Variants in DYNC2H1 observed in about 807,000 individuals in gnomAD.
DYNC2H1 encodes the protein cytoplasmic dynein 2 heavy chain 1.
In DYNC2H1, 410 loss-of-function variants were observed where a neutral mutation model predicts 570.0. The observed-to-expected ratio is 0.72, with a 90% CI of 0.66 to 0.78. The LOEUF (loss-of-function observed/expected upper bound fraction) is 0.78. Among genes scored for constraint, DYNC2H1 ranks in the 30% least tolerant of loss-of-function variants. The pLI is 0.00. For missense variants in DYNC2H1, 4,865 were observed against 5,046.4 expected (o/e 0.96, Z 1.09); for synonymous variants, 1,688 against 1,677.6 (o/e 1.01, Z -0.15).
intron 70 of DYNC2H1, among the ~76,000 whole-genome samples, chr11:103,272,572 T>TTAAA (rs538001139): frequency 5.1e-4 from 77 of 152,182 alleles, no homozygotes; most frequent in South Asian, 1.0e-3. Context: ...TAAAGTATAA[T>TTAAA]TAAATAAATA....
intron 1 of DYNC2H1, among the ~76,000 whole-genome samples, chr11:103,111,365 T>C (rs1858104311): frequency 6.6e-6 from 1 of 152,238 alleles, no homozygotes. Context: ...GTTCATTTAA[T>C]AGCCATAACG....
chr11:103,399,234 C>T (rs965838077), intron 83 of DYNC2H1, among the ~76,000 whole-genome samples: 6 of 149,468 alleles, frequency 4.0e-5, no homozygotes, highest in East Asian at 4.0e-4. Context: ...CCTCCATCTC[C>T]GGGGTTCAAG....
At chr11:103,294,348 T>G (rs1272659934) in intron 75 of DYNC2H1, among the ~76,000 whole-genome samples, 1 of 152,162 alleles carries the variant, frequency 6.6e-6, no homozygotes, top group African/African-American at 2.4e-5. Flanking sequence ...TTACCTATTC[T>G]TCTTGAGAGG....
rs112634077 is a variant in DYNC2H1, at chr11:103,177,981, C to G, written c.6139+161C>G. ...TATTTTACTTTGGAGGGGGCCAAGA[C>G]ATGCTATCATTTTCAGTTAAACTCT... On this transcript the variant is annotated intron_variant, in intron 38 of 88. Transcript: ENST00000375735. The surrounding 1 kb of genome is among the most constrained non-coding windows in gnomAD (Gnocchi z 4.4). Among the ~76,000 whole-genome samples the G allele has an allele frequency of 1.8e-4, 28 of 152,180 alleles. No homozygotes were observed. The highest frequency in any genetic ancestry group is 6.7e-4 in the African/African-American group (28 of 41,534).
At chr11:103,308,753 A>C (rs1867422146) in intron 78 of DYNC2H1, among the ~76,000 whole-genome samples, 1 of 152,126 alleles carries the variant, frequency 6.6e-6, no homozygotes, top group Non-Finnish European at 1.5e-5. Flanking sequence ...AGTAACGTTG[A>C]GCATCTTTCA....
Position 103,256,661 on chromosome 11 carries a change from T to C in DYNC2H1, c.10461+421T>C, listed in dbSNP as rs960759420. ...CAGTTATTGGCTCTTTTCATGCTTA[T>C]AATGAACAGTGCTGGGTACTTTATT... On this transcript the variant is annotated intron_variant, in intron 68 of 88. Coordinates refer to ENST00000375735, the MANE Select transcript of DYNC2H1 (RefSeq NM_001377.3). The surrounding 1 kb of genome is among the most constrained non-coding windows in gnomAD (Gnocchi z 4.0). Among the ~76,000 whole-genome samples, 1 of 152,186 alleles carries C rather than the reference T, an allele frequency of 6.6e-6. No individual in the cohort carries two copies.
chr11:103,311,781 A>C (rs1454550768), intron 78 of DYNC2H1, 97 bp from the exon 79 acceptor site: 1 of 1,275,860 alleles, frequency 7.8e-7, no homozygotes, highest in Non-Finnish European at 1.1e-6. Context: ...TAAGCAGTGA[A>C]AAATTTTCTT....
intron 87 of DYNC2H1, among the ~76,000 whole-genome samples, chr11:103,466,945 G>C (rs535858062): frequency 1.3e-5 from 2 of 152,198 alleles, no homozygotes; most frequent in East Asian, 3.9e-4. Flanking sequence ...GGTTATTGAG[G>C]TGTTTTTTTA....
intron 63 of DYNC2H1, among the ~76,000 whole-genome samples, chr11:103,236,785 A>G (rs753751013): frequency 7.2e-5 from 11 of 151,928 alleles, no homozygotes; most frequent in Non-Finnish European, 1.3e-4. Context: ...TCTAAATTGT[A>G]TTTCCTAATA....
At chr11:103,419,651 A>G (rs1943411604) in intron 84 of DYNC2H1, among the ~76,000 whole-genome samples, 1 of 152,142 alleles carries the variant, frequency 6.6e-6, no homozygotes, top group Non-Finnish European at 1.5e-5. Flanking sequence ...TCAAAGATCA[A>G]AGATAGATGA....
chr11:103,143,416 A>G, intron 18 of DYNC2H1, 21 bp downstream of exon 18: 1 of 1,574,682 alleles, frequency 6.4e-7, no homozygotes, highest in Non-Finnish European at 8.6e-7. Context: ...TTAATGTAGT[A>G]CTTACGTACC....
intron 54 of DYNC2H1, among the ~76,000 whole-genome samples, chr11:103,213,688 TG>T (rs1863254538): frequency 1.3e-5 from 2 of 152,178 alleles, no homozygotes; most frequent in South Asian, 2.1e-4. Context: ...TTGTTGTTGT[TG>T]TTCAGTTGTT....
At chr11:103,290,046 G>C (rs1866530325) in intron 75 of DYNC2H1, among the ~76,000 whole-genome samples, 1 of 151,850 alleles carries the variant, frequency 6.6e-6, no homozygotes, top group Admixed American at 6.6e-5. Context: ...GTTCTTGTAA[G>C]GACACCAGTC....
At position 103,241,661 on chromosome 11, in the gene DYNC2H1, A is replaced by G; in HGVS notation, c.9820-2032A>G. 3 of 830,170 alleles carry G rather than the reference A, an allele frequency of 3.6e-6. No individual in the cohort carries two copies. Among genetic ancestry groups the G allele is most frequent in the South Asian group, 1.6e-5 (1 of 63,636 alleles). 51.4% of individuals were successfully genotyped at this position (830,170 alleles called of 1,614,324 possible). On this transcript the variant is annotated intron_variant, in intron 63 of 88. Transcript: ENST00000375735. The surrounding 1 kb of genome is among the most constrained non-coding windows in gnomAD (Gnocchi z 5.1). ...AAAATTAGATCAAAAACCTAGGTGCAGCACCATGGTAACACTTCACAGGCT... is the reference window on the plus strand; with the variant it reads ...AAAATTAGATCAAAAACCTAGGTGCGGCACCATGGTAACACTTCACAGGCT...
At chr11:103,389,562 C>T in intron 83 of DYNC2H1, among the ~76,000 whole-genome samples, 1 of 152,020 alleles carries the variant, frequency 6.6e-6, no homozygotes, top group Non-Finnish European at 1.5e-5. Context: ...TTTGCTCTTG[C>T]TTCTCTAGTT....
intron 84 of DYNC2H1, among the ~76,000 whole-genome samples, chr11:103,411,035 C>A (rs1436007268): frequency 6.6e-6 from 1 of 151,270 alleles, no homozygotes; most frequent in African/African-American, 2.4e-5. Context: ...TGTGTAAAGA[C>A]CAGGACCAAA....
At position 103,459,117 on chromosome 11, in the gene DYNC2H1, G is replaced by T. The variant is rs918381435; in HGVS notation, c.12648+2761G>T. Among the ~76,000 whole-genome samples, 12 of 150,850 alleles carry T rather than the reference G, an allele frequency of 8.0e-5. No homozygotes were observed. The East Asian group carries it at 1.8e-3, about 23-fold the overall frequency. ...GAGGTCAGGAGATCGAGACCATCCC[G>T]GCTAAAACGGTGAAACCCCGTCTCT... On this transcript the variant is annotated intron_variant, in intron 87 of 88. Transcript: ENST00000375735.
chr11:103,392,194 C>CA (rs771269117), intron 83 of DYNC2H1, among the ~76,000 whole-genome samples: 7 of 152,216 alleles, frequency 4.6e-5, no homozygotes, highest in Non-Finnish European at 8.8e-5. Context: ...CAAGCCTGGG[C>CA]AATGGCGGGC....
rs1723910110 is a variant in DYNC2H1, at chr11:103,325,871, T to C, written c.12039+1881T>C. On this transcript the variant is annotated intron_variant, in intron 82 of 88. Transcript: ENST00000375735. The surrounding 1 kb of genome is among the most constrained non-coding windows in gnomAD (Gnocchi z 4.8). ...GGGACCGTTGCTGGTGGGCGGGGGA[T>C]GGGCGTATAGTGGGCTCCTTTGAAG... is the stretch of plus-strand genomic sequence containing the variant. Among the ~76,000 whole-genome samples the C allele has an allele frequency of 2.0e-5, 3 of 152,128 alleles. No homozygotes were observed. The South Asian group carries it at 6.2e-4, about 32-fold the overall frequency.
Sources: gnomAD v4.1 joint callset for allele counts (sites outside exome capture counted in the v4.1 genomes callset) on GRCh38, gnomAD v4.1.1 for gene constraint, Gnocchi (gnomAD v3.1) non-coding constraint, MANE v1.5 for transcripts, NCBI Gene and HGNC (gene_info 2026-07-23, HGNC 2026-07-21) for gene names.